The following TOGARAM1 variants were observed in gnomAD, a reference collection of about 807,000 sequenced individuals.
TOGARAM1 encodes TOG array regulator of axonemal microtubules protein 1.
In TOGARAM1, 100 loss-of-function variants were observed where a neutral mutation model predicts 166.6. The observed-to-expected ratio is 0.60, with a 90% confidence interval of 0.51 to 0.71. The LOEUF (loss-of-function observed/expected upper bound fraction) is 0.71, where lower values mean the gene tolerates loss of function less well. Ranked by LOEUF, TOGARAM1 falls within the 30% of genes least tolerant of loss-of-function variation. TOGARAM1 has a pLI of 0.00. For missense variants in TOGARAM1, 2,029 were observed against 2,102.7 expected (o/e 0.96, Z 0.69); for synonymous variants, 758 against 763.8 (o/e 0.99, Z 0.13).
rs1391106982 is a variant in TOGARAM1 at position 44,999,478 on chromosome 14, T to A, written c.2319T>A (p.Thr773=). ...CTGACTTACAATTCCTAGGGACAAC[T>A]AGCAGTCATCAAGAAAAAGGTATAA... ...VGSDLQFLGT[T]SSHQEKVYAS... is the part of the protein sequence containing the mutation. The change falls in exon 3 of 20, where the codon ACT becomes ACA. Residue 773 remains threonine, a synonymous_variant. Coordinates refer to ENST00000361462, the MANE Select transcript of TOGARAM1 (RefSeq NM_001308120.2). 1.9e-6 allele frequency: 3 copies of A among 1,606,568 alleles called. No homozygotes were observed. Among genetic ancestry groups the A allele is most frequent in the Non-Finnish European group, 2.6e-6 (3 of 1,175,920 alleles).
chr14:45,020,117 A>G (rs1346581900), intron 7 of TOGARAM1, among the ~76,000 whole-genome samples: 2 of 152,322 alleles, frequency 1.3e-5, no homozygotes, highest in East Asian at 3.9e-4. Context: ...AAAGAAGAGT[A>G]ACAATATTAT....
Position 44,963,269 on chromosome 14 carries a change from T to C in TOGARAM1, c.848T>C (p.Ile283Thr). 1 of 1,614,128 alleles carries C rather than the reference T, an allele frequency of 6.2e-7. No homozygotes were observed. The highest frequency in any genetic ancestry group is 8.5e-7 in the Non-Finnish European group (1 of 1,180,018). ...ACAGCTTTCTCCGCACTTCAACAAATTGGGGAGCGACTTGGCCAAGACAGG... is the reference window on the plus strand; with the variant it reads ...ACAGCTTTCTCCGCACTTCAACAAACTGGGGAGCGACTTGGCCAAGACAGG... Reference protein sequence around the residue: ...SETAFSALQQIGERLGQDRFQ... With the variant: ...SETAFSALQQTGERLGQDRFQ... The change falls in exon 1 of 20, where the codon ATT becomes ACT. Residue 283 changes from isoleucine to threonine, a missense_variant. Around this residue, in one of 2 missense-constraint regions of TOGARAM1, gnomAD observed 1,453 missense variants for 1,432.2 expected, o/e 1.01. Transcript: ENST00000361462.
chr14:45,035,274 C>T (rs985143426), intron 11 of TOGARAM1, among the ~76,000 whole-genome samples: 4 of 151,872 alleles, frequency 2.6e-5, no homozygotes, highest in African/African-American at 7.3e-5. Context: ...GCAGGAGAAT[C>T]GCTTAAACCC....
At chr14:44,980,251 T>C (rs1391858408) in intron 1 of TOGARAM1, among the ~76,000 whole-genome samples, 2 of 152,206 alleles carry the variant, frequency 1.3e-5, no homozygotes, top group Non-Finnish European at 2.9e-5. Flanking sequence ...ACATGTAGGA[T>C]TGGTTAGTGA....
chr14:45,024,829 C>T (rs933009203), intron 7 of TOGARAM1, among the ~76,000 whole-genome samples: 1 of 152,216 alleles, frequency 6.6e-6, no homozygotes, highest in East Asian at 1.9e-4. Context: ...TAGCAGTTGA[C>T]AAAACAATCT....
In TOGARAM1 at chr14:45,017,842, G is replaced by A. The variant is rs371743769; in HGVS notation, c.3238+5767G>A. On this transcript the variant is annotated intron_variant, in intron 7 of 19. Coordinates refer to ENST00000361462, the MANE Select transcript of TOGARAM1 (RefSeq NM_001308120.2). ...GGAGGTTGCAGTGAGCCGAGATGGC[G>A]CCACTGCACTCCTGGGTGACAAGTG... 2.8e-3 allele frequency among the ~76,000 whole-genome samples: 423 copies of A among 151,696 alleles called. 4 individuals are homozygous for A. The highest frequency in any genetic ancestry group is 9.6e-3 in the African/African-American group (395 of 41,066).
At chr14:45,020,168 C>T (rs1880412085) in intron 7 of TOGARAM1, among the ~76,000 whole-genome samples, 2 of 152,286 alleles carry the variant, frequency 1.3e-5, no homozygotes, top group South Asian at 4.1e-4. Context: ...CCAGGGCATC[C>T]ACTGGCTGAG....
At chr14:45,067,303 A>G (rs1191321368) in intron 17 of TOGARAM1, among the ~76,000 whole-genome samples, 1 of 152,132 alleles carries the variant, frequency 6.6e-6, no homozygotes, top group East Asian at 1.9e-4. Flanking sequence ...CATCTAGTAA[A>G]TATATGTTGA....
intron 16 of TOGARAM1, among the ~76,000 whole-genome samples, chr14:45,058,324 T>C (rs1360078027): frequency 6.6e-6 from 1 of 151,494 alleles, no homozygotes; most frequent in African/African-American, 2.4e-5. Flanking sequence ...AGACAGTGTC[T>C]CACACAATTG....
At chr14:45,033,421 G>A (rs897620843) in intron 11 of TOGARAM1, among the ~76,000 whole-genome samples, 3 of 152,106 alleles carry the variant, frequency 2.0e-5, no homozygotes, top group African/African-American at 7.2e-5. Context: ...TGCAAATACT[G>A]AACTCTGTTG....
At chr14:44,984,077 T>TG (rs1245524159) in intron 1 of TOGARAM1, among the ~76,000 whole-genome samples, 1 of 152,156 alleles carries the variant, frequency 6.6e-6, no homozygotes, top group African/African-American at 2.4e-5. Context: ...ATGTGGAAAT[T>TG]GAATTTAAGA....
At chr14:45,052,360 AAC>A (rs1882415169) in intron 14 of TOGARAM1, 74 bp from the exon 15 acceptor site, 1 of 1,261,858 alleles carries the variant, frequency 7.9e-7, no homozygotes, top group Non-Finnish European at 1.1e-6. Flanking sequence ...TTTCTATTGA[AAC>A]AATGCATCTA....
chr14:45,037,276 AG>A (rs1299577362), intron 11 of TOGARAM1, among the ~76,000 whole-genome samples: 1 of 152,238 alleles, frequency 6.6e-6, no homozygotes, highest in Non-Finnish European at 1.5e-5. Flanking sequence ...ATCTCTTTTA[AG>A]GGAGGTAAAG....
intron 1 of TOGARAM1, among the ~76,000 whole-genome samples, chr14:44,969,650 A>G (rs996977928): frequency 2.0e-5 from 3 of 152,162 alleles, no homozygotes; most frequent in Non-Finnish European, 4.4e-5. Flanking sequence ...GTTTTCTCCT[A>G]TGTTATCTTC....
intron 7 of TOGARAM1, among the ~76,000 whole-genome samples, chr14:45,017,599 C>T (rs996361624): frequency 4.6e-5 from 7 of 152,152 alleles, no homozygotes; most frequent in Admixed American, 3.3e-4. Context: ...ATTAACCATT[C>T]TTGGCCAGGC....
chr14:45,060,482 C>T (rs1594703044), intron 16 of TOGARAM1, among the ~76,000 whole-genome samples: 1 of 152,122 alleles, frequency 6.6e-6, no homozygotes, highest in East Asian at 1.9e-4. Flanking sequence ...TCCAGAGGTG[C>T]TAGGATTACA....
chr14:44,990,952 G>GTTTTTTTT (rs1887090583), intron 1 of TOGARAM1, among the ~76,000 whole-genome samples: 1 of 107,890 alleles, frequency 9.3e-6, no homozygotes, highest in African/African-American at 5.5e-5. Flanking sequence ...CCCAGCTGAG[G>GTTTTTTTT]CTTTTTTTTT....
At chr14:45,061,006 T>G (rs1342404416) in intron 16 of TOGARAM1, among the ~76,000 whole-genome samples, 2 of 152,234 alleles carry the variant, frequency 1.3e-5, no homozygotes, top group East Asian at 3.8e-4. Context: ...TATCCACCAC[T>G]GAGAGATTTT....
At chr14:44,975,243 G>GC (rs1037660351) in intron 1 of TOGARAM1, among the ~76,000 whole-genome samples, 10 of 151,910 alleles carry the variant, frequency 6.6e-5, no homozygotes, top group African/African-American at 2.2e-4. Flanking sequence ...CTCAATGGAT[G>GC]CCCCCCCACC....
Sources: allele counts gnomAD v4.1 joint callset (sites outside exome capture counted in the v4.1 genomes callset), GRCh38; gene constraint gnomAD v4.1.1; regional missense constraint gnomAD v4.1.1; transcripts MANE v1.5; gene names NCBI Gene and HGNC (gene_info 2026-07-23, HGNC 2026-07-21).